The following NMS variants were observed in gnomAD, a reference collection of about 807,000 sequenced individuals.
NMS encodes neuromedin S, also known as neuromedin-S.
In NMS, 30 loss-of-function variants were observed where a neutral mutation model predicts 32.2. The observed-to-expected ratio is 0.93, with a 90% CI of 0.70 to 1.26. The LOEUF (loss-of-function observed/expected upper bound fraction) is 1.26, where lower values mean the gene tolerates loss of function less well. Ranked by LOEUF, NMS falls within the 50% of genes most tolerant of loss-of-function variation. The pLI is 0.00. For missense variants in NMS, 190 were observed against 186.3 expected (o/e 1.02, Z -0.12); for synonymous variants, 76 against 58.5 (o/e 1.30, Z -1.37).
chr2:100,481,934 C>T (rs1677225056), intron 8 of NMS, among the ~76,000 whole-genome samples: 1 of 152,192 alleles, frequency 6.6e-6, no homozygotes, highest in Admixed American at 6.5e-5. Context: ...CTAGAAAGTG[C>T]TTTGAGAAAC....
rs1677254619 is a variant in NMS at position 100,483,258 on chromosome 2, G to A, written c.456G>A (p.Gln152=). Residue 152 remains glutamine, a synonymous_variant, in exon 10 of 10, where the codon CAG becomes CAA. Transcript: ENST00000376865. ...TTTTCTTTTCTTTTTTTAGGATTCA[G>A]TGGTGAAAGAAAGCTGGATCTGATG... ...GRNIEDEAQI[Q]W is the part of the protein sequence containing the mutation. 1 of 1,612,352 alleles carries A rather than the reference G, an allele frequency of 6.2e-7. No individual in the cohort carries two copies.
intron 6 of NMS, among the ~76,000 whole-genome samples, chr2:100,480,176 T>C (rs575548592): frequency 6.6e-6 from 1 of 152,350 alleles, no homozygotes; most frequent in South Asian, 2.1e-4. Flanking sequence ...GAAGCTAAAA[T>C]GGCTAATCCT....
chr2:100,478,675 G>A (rs1677158713), intron 5 of NMS, among the ~76,000 whole-genome samples: 2 of 152,218 alleles, frequency 1.3e-5, no homozygotes, highest in Non-Finnish European at 2.9e-5. Context: ...TGTTGGCCAA[G>A]CTGGTCTTGA....
intron 8 of NMS, among the ~76,000 whole-genome samples, chr2:100,481,925 TA>T (rs1220079922): frequency 6.6e-6 from 1 of 152,222 alleles, no homozygotes; most frequent in Non-Finnish European, 1.5e-5. Context: ...ACTCGTTTCC[TA>T]GAAAGTGCTT....
intron 3 of NMS, among the ~76,000 whole-genome samples, chr2:100,476,343 C>G (rs942371249): frequency 1.3e-5 from 2 of 152,088 alleles, no homozygotes; most frequent in African/African-American, 4.8e-5. Context: ...TGGTGGATTA[C>G]AGTGTGTGTC....
intron 7 of NMS, 96 bp from the exon 8 acceptor site, chr2:100,481,030 G>A (rs1261762058): frequency 1.6e-5 from 20 of 1,252,006 alleles, no homozygotes; most frequent in Middle Eastern, 1.8e-4. Context: ...CCACTGGTCT[G>A]GGACCACCCA....
intron 3 of NMS, 43 bp downstream of exon 3, chr2:100,473,582 A>G: frequency 2.7e-6 from 2 of 737,692 alleles, no homozygotes; most frequent in Non-Finnish European, 3.8e-6. Context: ...AAATATATAT[A>G]TATGCAACAA....
rs762998677 is a variant in NMS, at chr2:100,473,548, A to T, written c.183+9A>T. On this transcript the variant is annotated intron_variant, in intron 3 of 9. Transcript: ENST00000376865. ...TTTCTCGCCAACCTAAGGTAAAAAA[A>T]TGTGTATATATATAATATATATAAA... is the stretch of plus-strand genomic sequence containing the variant. The T allele has an allele frequency of 1.7e-6, 2 of 1,188,318 alleles. No homozygotes were observed. Among genetic ancestry groups the T allele is most frequent in the Non-Finnish European group, 2.3e-6 (2 of 865,736 alleles). The allele number at this position is 1,188,318 out of a possible 1,614,324, so 73.6% of individuals were successfully genotyped here.
At chr2:100,477,464 A>G (rs1677134208) in intron 5 of NMS, 50 bp downstream of exon 5, 6 of 1,351,632 alleles carry the variant, frequency 4.4e-6, no homozygotes, top group South Asian at 1.2e-5. Flanking sequence ...TCTCCTCTGC[A>G]TGTCGTCCAT....
intron 3 of NMS, among the ~76,000 whole-genome samples, chr2:100,476,048 A>G (rs1165979659): frequency 2.6e-5 from 4 of 151,984 alleles, no homozygotes; most frequent in Non-Finnish European, 4.4e-5. Flanking sequence ...AGTAAGGGGC[A>G]TATGAAACGT....
Position 100,479,538 on chromosome 2 carries a change from G to T in NMS, c.336+111G>T, listed in dbSNP as rs1677176655. ...GCTGTCATTCTCTCCTCAAATCTTA[G>T]TCTCCACCTTGGCAGGGAGCACTGA... On this transcript the variant is annotated intron_variant, in intron 6 of 9. Transcript: ENST00000376865. 3 of 942,682 alleles carry T rather than the reference G, an allele frequency of 3.2e-6. No individual in the cohort carries two copies. The South Asian group carries it at 5.1e-5, about 16-fold the overall frequency. The allele number at this position is 942,682 out of a possible 1,614,324, so 58.4% of individuals were successfully genotyped here.
intron 9 of NMS, 87 bp from the exon 10 acceptor site, chr2:100,483,165 A>G: frequency 1.7e-6 from 2 of 1,186,654 alleles, no homozygotes; most frequent in East Asian, 4.7e-5. Flanking sequence ...ATTGTAAAAT[A>G]TGTTACATAA....
intron 6 of NMS, 124 bp downstream of exon 6, chr2:100,479,551 C>A: frequency 2.4e-6 from 2 of 833,684 alleles, no homozygotes; most frequent in Non-Finnish European, 3.7e-6. Context: ...TCCACCTTGG[C>A]AGGGAGCACT....
chr2:100,471,073 C>T (rs193144431), intron 1 of NMS, among the ~76,000 whole-genome samples: 37 of 152,286 alleles, frequency 2.4e-4, no homozygotes, highest in African/African-American at 7.5e-4. Context: ...TACCGGAAGC[C>T]GCTACCTCCC....
intron 2 of NMS, 68 bp from the exon 3 acceptor site, chr2:100,473,421 C>T (rs1193741253): frequency 1.2e-5 from 10 of 800,050 alleles, no homozygotes; most frequent in South Asian, 4.7e-5. Flanking sequence ...TATTTGATTA[C>T]CCATTAATCA....
intron 8 of NMS, among the ~76,000 whole-genome samples, chr2:100,481,899 T>C (rs572044473): frequency 6.6e-6 from 1 of 152,332 alleles, no homozygotes; most frequent in Admixed American, 6.5e-5. Flanking sequence ...CTCACTCCCA[T>C]GGGTCTGTAT....
intron 5 of NMS, among the ~76,000 whole-genome samples, chr2:100,478,321 G>A (rs1045870165): frequency 1.3e-5 from 2 of 152,174 alleles, no homozygotes; most frequent in Non-Finnish European, 2.9e-5. Context: ...CCACTAGAAA[G>A]TCTCTTATTT....
In NMS at chr2:100,473,532, A is replaced by T. The variant is rs199499853; in HGVS notation, c.176A>T (p.Gln59Leu). Residue 59 changes from glutamine (Q) to leucine (L), a missense_variant, in exon 3 of 10, where the codon CAA becomes CTA. Physicochemically the swap from Gln to Leu is moderately radical, Grantham distance 113 (BLOSUM62 -2). Coordinates refer to ENST00000376865, the MANE Select transcript of NMS (RefSeq NM_001011717.1). ...CLSQWAPLSR[Q>L]PKDNQDIYKR... is the part of the protein sequence containing the mutation. ...AGTCAGTGGGCACCTCTTTCTCGCC[A>T]ACCTAAGGTAAAAAAATGTGTATAT... 8 of 1,432,354 alleles carry T rather than the reference A, an allele frequency of 5.6e-6. No homozygotes were observed. Among genetic ancestry groups the T allele is most frequent in the African/African-American group, 2.9e-5 (2 of 69,864 alleles). 88.7% of individuals were successfully genotyped at this position (1,432,354 alleles called of 1,614,324 possible). A position where few individuals can be genotyped will look rare whatever the true frequency, so the allele number is the denominator to read the frequency against.
chr2:100,479,838 A>G (rs1448628371), intron 6 of NMS, among the ~76,000 whole-genome samples: 2 of 151,936 alleles, frequency 1.3e-5, no homozygotes, highest in Non-Finnish European at 2.9e-5. Context: ...TTCTTCTTTC[A>G]TTTTTATTTT....
Sources: allele counts gnomAD v4.1 joint callset (sites outside exome capture counted in the v4.1 genomes callset), GRCh38; gene constraint gnomAD v4.1.1; transcripts MANE v1.5; gene names NCBI Gene and HGNC (gene_info 2026-07-23, HGNC 2026-07-21).